CHD2: variants seen among roughly 807,000 people sequenced by gnomAD.
CHD2 encodes chromodomain helicase DNA binding protein 2.
In CHD2, 28 loss-of-function variants were observed where a neutral mutation model predicts 243.9. That is an observed-to-expected ratio of 0.11 (90% confidence interval 0.09 to 0.16). The LOEUF (loss-of-function observed/expected upper bound fraction) is 0.16, where lower values mean the gene tolerates loss of function less well. Ranked by LOEUF, CHD2 falls within the 10% of genes least tolerant of loss-of-function variation. The pLI, the probability that CHD2 is intolerant of heterozygous loss-of-function variation, is 1.00. For synonymous variants in CHD2, 775 were observed against 779.0 expected (o/e 0.99, Z 0.09); for missense variants, 1,386 against 2,209.8 (o/e 0.63, Z 7.47).
Position 92,927,312 on chromosome 15 carries a change from A to G in CHD2, c.363A>G (p.Arg121=). The change falls in exon 4 of 39, where the codon CGA becomes CGG. Residue 121 remains arginine, a synonymous_variant. Coordinates refer to ENST00000394196, the MANE Select transcript of CHD2 (RefSeq NM_001271.4). ...ACCGAAGCAGACAAGAACCATCGCGATTTAATATTAAGGAAGAGGTAAGGA... is the reference window on the plus strand; with the variant it reads ...ACCGAAGCAGACAAGAACCATCGCGGTTTAATATTAAGGAAGAGGTAAGGA... ...RSNRSRQEPS[R]FNIKEEASSG... is the part of the protein sequence containing the mutation. 1.2e-6 allele frequency: 2 copies of G among 1,613,582 alleles called. No individual in the cohort carries two copies. The highest frequency in any genetic ancestry group is 1.7e-6 in the Non-Finnish European group (2 of 1,179,530).
rs1227395074 is a variant in CHD2, at chr15:93,027,359, C to G, written c.*2654C>G. On this transcript the variant is annotated 3_prime_UTR_variant, in exon 39 of 39. Transcript: ENST00000394196. ...GAGTTAGCATCACCTAAAACCTGCA[C>G]GTGAACAAGGGTTGACATGATACAC... 2 of 152,160 alleles carry G rather than the reference C, an allele frequency of 1.3e-5. No homozygotes were observed. The highest frequency in any genetic ancestry group is 2.9e-5 in the Non-Finnish European group (2 of 68,028). The allele number at this position is 152,160 out of a possible 1,614,324, so 9.4% of individuals were successfully genotyped here. A position where few individuals can be genotyped will look rare whatever the true frequency, so the allele number is the denominator to read the frequency against.
intron 37 of CHD2, among the ~76,000 whole-genome samples, chr15:93,016,564 C>T (rs1320422767): frequency 6.6e-6 from 1 of 152,010 alleles, no homozygotes; most frequent in African/African-American, 2.4e-5. Context: ...TAAATACATA[C>T]AATTTTTAAT....
In CHD2 at chr15:92,955,406, A is replaced by G. The variant is rs1463130987; in HGVS notation, c.1720-17A>G. 8.7e-6 allele frequency: 13 copies of G among 1,496,302 alleles called. No homozygotes were observed. The highest frequency in any genetic ancestry group is 1.2e-5 in the Non-Finnish European group (13 of 1,108,328). 92.7% of individuals were successfully genotyped at this position (1,496,302 alleles called of 1,614,324 possible). ...TAGAAGTAGAAATTATGTCTTAATTATGTTTTTTTCTTATAGATACGGGAA... is the reference window on the plus strand; with the variant it reads ...TAGAAGTAGAAATTATGTCTTAATTGTGTTTTTTTCTTATAGATACGGGAA... On this transcript the variant is annotated splice_polypyrimidine_tract_variant and intron_variant, in intron 14 of 38. Transcript: ENST00000394196.
chr15:92,990,034 C>T (rs757228015), intron 26 of CHD2, among the ~76,000 whole-genome samples: 34 of 152,154 alleles, frequency 2.2e-4, no homozygotes, highest in Non-Finnish European at 2.5e-4. Context: ...TGCCTCAGGC[C>T]GTCATGGTGT....
At chr15:93,011,484 G>A (rs751790974) in intron 35 of CHD2, among the ~76,000 whole-genome samples, 2 of 152,200 alleles carry the variant, frequency 1.3e-5, no homozygotes, top group African/African-American at 2.4e-5. Context: ...AAGACAGTTT[G>A]CTAAAAAGAC....
At chr15:92,961,449 G>C (rs924635893) in intron 16 of CHD2, among the ~76,000 whole-genome samples, 6 of 152,180 alleles carry the variant, frequency 3.9e-5, no homozygotes, top group Non-Finnish European at 5.9e-5. Context: ...CACCCACGCT[G>C]AGTGCAGTGG....
chr15:92,967,595 T>G (rs1323371811), intron 17 of CHD2, 82 bp downstream of exon 17: 2 of 960,014 alleles, frequency 2.1e-6, no homozygotes, highest in Non-Finnish European at 2.8e-6. Flanking sequence ...TATATATACT[T>G]TTGTTTTTTT....
chr15:92,965,999 A>G (rs1004687480), intron 16 of CHD2, among the ~76,000 whole-genome samples: 1 of 151,394 alleles, frequency 6.6e-6, no homozygotes, highest in Non-Finnish European at 1.5e-5. Flanking sequence ...CACTTCACAC[A>G]TTTAGTGTGT....
chr15:92,927,422 G>C (rs2053083852), intron 4 of CHD2, 92 bp downstream of exon 4: 1 of 906,142 alleles, frequency 1.1e-6, no homozygotes, highest in African/African-American at 1.7e-5. Flanking sequence ...TAAAAAGACT[G>C]AACTTCAGGC....
intron 2 of CHD2, chr15:92,921,246 G>GA (rs2052949236): frequency 6.6e-6 from 1 of 152,424 alleles, no homozygotes; most frequent in African/African-American, 2.4e-5. Context: ...TCCGCAGTGG[G>GA]TGCAGGAGCT....
intron 22 of CHD2, among the ~76,000 whole-genome samples, 194 bp downstream of exon 22, chr15:92,979,477 G>T (rs2053949832): frequency 6.6e-6 from 1 of 152,034 alleles, no homozygotes; most frequent in African/African-American, 2.4e-5. Context: ...CCCTTCTTAT[G>T]TGTTTTCCTC....
At chr15:92,968,232 ATAT>A (rs1185576471) in intron 17 of CHD2, among the ~76,000 whole-genome samples, 1 of 152,122 alleles carries the variant, frequency 6.6e-6, no homozygotes, top group African/African-American at 2.4e-5. Flanking sequence ...GCATTCTTTA[ATAT>A]TTTCAGCCAG....
intron 35 of CHD2, among the ~76,000 whole-genome samples, chr15:93,010,038 C>A (rs78749861): frequency 2.1e-4 from 32 of 152,316 alleles, no homozygotes; most frequent in African/African-American, 7.7e-4. Context: ...CCCCTTCCCC[C>A]CAGAGTCCGT....
intron 14 of CHD2, among the ~76,000 whole-genome samples, 171 bp from the exon 15 acceptor site, chr15:92,955,252 T>TA (rs1436616855): frequency 2.6e-5 from 4 of 152,210 alleles, no homozygotes; most frequent in African/African-American, 7.2e-5. Context: ...TTCTAACTCT[T>TA]ACTGCTTTAT....
intron 25 of CHD2, 98 bp from the exon 26 acceptor site, chr15:92,985,400 G>T: frequency 4.0e-6 from 5 of 1,262,084 alleles, no homozygotes; most frequent in Non-Finnish European, 5.3e-6. Flanking sequence ...ATGGTGAGAA[G>T]TTCTGAATAC....
intron 24 of CHD2, 46 bp downstream of exon 24, chr15:92,981,503 A>C (rs764805378): frequency 7.0e-7 from 1 of 1,426,830 alleles, no homozygotes; most frequent in Non-Finnish European, 9.8e-7. Flanking sequence ...TGATTCATTA[A>C]TGATGACTAA....
intron 2 of CHD2, chr15:92,902,392 A>G (rs2052541435): frequency 2.6e-6 from 1 of 381,884 alleles, no homozygotes; most frequent in East Asian, 3.7e-5. Context: ...ATTTTAAATC[A>G]TGCAGTTTAA....
intron 16 of CHD2, among the ~76,000 whole-genome samples, chr15:92,958,104 T>A (rs1163816468): frequency 1.3e-5 from 2 of 152,214 alleles, no homozygotes; most frequent in Non-Finnish European, 2.9e-5. Context: ...ATGTTTTTCT[T>A]TCTCTTGCTT....
intron 2 of CHD2, among the ~76,000 whole-genome samples, chr15:92,907,455 T>C (rs1377994476): frequency 6.6e-6 from 1 of 152,184 alleles, no homozygotes; most frequent in Admixed American, 6.6e-5. Flanking sequence ...TAAGGCAGGA[T>C]TGTAGAGATA....
Sources: allele counts gnomAD v4.1 joint callset (sites outside exome capture counted in the v4.1 genomes callset), GRCh38; gene constraint gnomAD v4.1.1; transcripts MANE v1.5; gene names NCBI Gene and HGNC (gene_info 2026-07-23, HGNC 2026-07-21).